The following ROCK1 variants were observed in gnomAD, a reference collection of about 807,000 sequenced individuals.
ROCK1 encodes the protein Rho associated coiled-coil containing protein kinase 1.
In ROCK1, 36 loss-of-function variants were observed where a neutral mutation model predicts 196.8. That is an observed-to-expected ratio of 0.18 (90% CI 0.14 to 0.24). ROCK1 has a LOEUF of 0.24. Among genes scored for constraint, ROCK1 ranks in the 10% least tolerant of loss-of-function variants. The probability of loss-of-function intolerance (pLI) is 1.00; values close to 1 mark genes in which losing one functional copy is unlikely to be tolerated. For synonymous variants in ROCK1, 443 were observed against 515.9 expected (o/e 0.86, Z 1.91); for missense variants, 920 against 1,562.0 (o/e 0.59, Z 6.93).
intron 21 of ROCK1, among the ~76,000 whole-genome samples, chr18:20,981,198 T>C (rs2143387315): frequency 6.6e-6 from 1 of 151,910 alleles, no homozygotes; most frequent in South Asian, 2.1e-4. Flanking sequence ...ATCGAAACCA[T>C]CCTGGTTAAC....
intron 16 of ROCK1, among the ~76,000 whole-genome samples, chr18:21,004,432 T>G (rs922689285): frequency 6.6e-6 from 1 of 152,226 alleles, no homozygotes; most frequent in African/African-American, 2.4e-5. Flanking sequence ...GAAACTCACA[T>G]AAGTTGTGTG....
At chr18:21,005,594 T>C (rs2035761493) in intron 16 of ROCK1, among the ~76,000 whole-genome samples, 1 of 152,144 alleles carries the variant, frequency 6.6e-6, no homozygotes, top group African/African-American at 2.4e-5. Context: ...GAAAGAATGC[T>C]GGCCTGGTGT....
At chr18:21,070,500 T>C in intron 2 of ROCK1, 32 bp downstream of exon 2, 1 of 1,174,020 alleles carries the variant, frequency 8.5e-7, no homozygotes. Context: ...TTATATGAAG[T>C]CTGTCATTAA....
chr18:20,961,419 G>GTATA (rs1212773258), intron 27 of ROCK1, among the ~76,000 whole-genome samples: 1 of 152,066 alleles, frequency 6.6e-6, no homozygotes, highest in African/African-American at 2.4e-5. Flanking sequence ...TTTAACCTAT[G>GTATA]TATAAGTCCA....
intron 11 of ROCK1, 130 bp from the exon 12 acceptor site, chr18:21,020,369 C>T (rs2035903951): frequency 2.2e-6 from 1 of 458,756 alleles, no homozygotes; most frequent in Non-Finnish European, 3.7e-6. Context: ...CTTTCTATCT[C>T]AATTTTTTTA....
chr18:21,011,807 A>C (rs1371961746), intron 13 of ROCK1, among the ~76,000 whole-genome samples: 1 of 152,212 alleles, frequency 6.6e-6, no homozygotes, highest in Non-Finnish European at 1.5e-5. Context: ...ATAATGTCTA[A>C]AATATTTTTT....
intron 27 of ROCK1, among the ~76,000 whole-genome samples, chr18:20,963,301 T>G (rs1347339039): frequency 6.6e-6 from 1 of 152,136 alleles, no homozygotes; most frequent in Admixed American, 6.5e-5. Context: ...AATTCAAACA[T>G]CAGAGCTAAC....
intron 9 of ROCK1, among the ~76,000 whole-genome samples, chr18:21,031,631 T>G (rs1237069046): frequency 4.3e-5 from 5 of 115,282 alleles, no homozygotes; most frequent in African/African-American, 1.0e-4. Context: ...AAAAAGAAAA[T>G]AATATAGAAA....
intron 1 of ROCK1, among the ~76,000 whole-genome samples, chr18:21,072,127 T>C (rs966692832): frequency 1.1e-4 from 17 of 152,208 alleles, no homozygotes; most frequent in African/African-American, 3.9e-4. Flanking sequence ...TAATCCAAAG[T>C]ACTTTTGTTG....
chr18:20,955,005 C>G lies in ROCK1; in HGVS notation c.3631G>C (p.Glu1211Gln), dbSNP rs2035228305. 4 of 1,613,598 alleles carry G rather than the reference C, an allele frequency of 2.5e-6. No homozygotes were observed. Among genetic ancestry groups the G allele is most frequent in the Non-Finnish European group, 3.4e-6 (4 of 1,179,790 alleles). ...TCAGCTTGTTGTACTGGTTCCATCT[C>G]TACATCTTTTCTACATTCACCTTCA... ...ANEGECRKDVEMEPVQQAEKT... is the reference protein window; with the variant it reads ...ANEGECRKDVQMEPVQQAEKT... Residue 1211 changes from glutamate to glutamine, a missense_variant, in exon 31 of 33, where the codon GAG becomes CAG. Glu to Gln is a conservative substitution (Grantham distance 29, BLOSUM62 2). This residue lies in a region of ROCK1 where 49 missense variants were observed against 180.4 expected (regional missense o/e 0.27). Transcript: ENST00000399799.
chr18:21,007,536 T>C (rs756301624), intron 14 of ROCK1, among the ~76,000 whole-genome samples: 3 of 152,212 alleles, frequency 2.0e-5, no homozygotes, highest in Non-Finnish European at 2.9e-5. Flanking sequence ...GCCTTGTGTA[T>C]ATATCAGTTT....
chr18:20,978,945 T>C (rs1400593014), intron 22 of ROCK1, among the ~76,000 whole-genome samples: 49 of 152,238 alleles, frequency 3.2e-4, no homozygotes, highest in African/African-American at 4.8e-5. Context: ...TCAAAGGTGA[T>C]TAAATGTAAA....
Position 21,110,350 on chromosome 18 carries a change from G to C in ROCK1, c.93+468C>G, listed in dbSNP as rs184362016. Among the ~76,000 whole-genome samples, 99 of 152,134 alleles carry C rather than the reference G, an allele frequency of 6.5e-4. No homozygotes were observed. The Middle Eastern group carries it at 0.014, about 21-fold the overall frequency. ...TGGCTCAAAAATCACTTCCTCAATA[G>C]CAATTCTCCGTTATCATTTTCAAGG... On this transcript the variant is annotated intron_variant, in intron 1 of 32. Coordinates refer to ENST00000399799, the MANE Select transcript of ROCK1 (RefSeq NM_005406.3).
At chr18:21,089,379 G>C (rs1441603964) in intron 1 of ROCK1, among the ~76,000 whole-genome samples, 2 of 152,100 alleles carry the variant, frequency 1.3e-5, no homozygotes, top group Non-Finnish European at 2.9e-5. Flanking sequence ...TTTTAATTGG[G>C]AAGAAGAATG....
At chr18:20,976,963 C>T (rs1457536617) in intron 22 of ROCK1, among the ~76,000 whole-genome samples, 3 of 152,110 alleles carry the variant, frequency 2.0e-5, no homozygotes, top group Non-Finnish European at 2.9e-5. Flanking sequence ...CCTATGCCTC[C>T]AAATCTACAA....
intron 27 of ROCK1, among the ~76,000 whole-genome samples, chr18:20,966,345 C>G (rs550231893): frequency 6.6e-6 from 1 of 152,212 alleles, no homozygotes; most frequent in South Asian, 2.1e-4. Flanking sequence ...AGAAAAAAGT[C>G]TCAAATCTTA....
chr18:20,979,987 C>G lies in ROCK1; in HGVS notation c.2577G>C (p.Gln859His), dbSNP rs1224194321. 1 of 1,549,250 alleles carries G rather than the reference C, an allele frequency of 6.5e-7. No individual in the cohort carries two copies. The highest frequency in any genetic ancestry group is 1.2e-5 in the South Asian group (1 of 82,870). ...EQYFSTLYKT[Q>H]VKELKEEIEE... ...CAATTTCTTCTTTAAGTTCCTTTAC[C>G]TGGGTTTTATAAAGTGTCTGCAAAA... Residue 859 changes from glutamine to histidine, a missense_variant, in exon 22 of 33, where the codon CAG (glutamine) becomes CAC (histidine). By Grantham distance (24) the Gln-to-His change is conservative. This residue lies in a region of ROCK1 where 520 missense variants were observed against 657.1 expected (regional missense o/e 0.79). Transcript: ENST00000399799.
intron 32 of ROCK1, among the ~76,000 whole-genome samples, chr18:20,951,696 C>T (rs2143313102): frequency 1.3e-5 from 2 of 152,238 alleles, no homozygotes; most frequent in African/African-American, 4.8e-5. Context: ...TAATACCTGG[C>T]ATAGTATGGT....
chr18:21,081,610 T>C (rs919053536), intron 1 of ROCK1, among the ~76,000 whole-genome samples: 6 of 152,132 alleles, frequency 3.9e-5, no homozygotes, highest in African/African-American at 1.4e-4. Context: ...AATTGGCACA[T>C]ATTTGGTTAA....
Sources: allele counts gnomAD v4.1 joint callset (sites outside exome capture counted in the v4.1 genomes callset), GRCh38; gene constraint gnomAD v4.1.1; regional missense constraint gnomAD v4.1.1; transcripts MANE v1.5; gene names NCBI Gene and HGNC (gene_info 2026-07-23, HGNC 2026-07-21).